DOCK1: variants seen among roughly 807,000 people sequenced by gnomAD.
DOCK1 encodes the protein dedicator of cytokinesis protein 1.
A neutral mutation model predicts 262.7 loss-of-function variants in DOCK1; 138 were observed. That is an observed-to-expected ratio of 0.53 (90% CI 0.46 to 0.61). The LOEUF (loss-of-function observed/expected upper bound fraction) is 0.61, where lower values mean the gene tolerates loss of function less well. DOCK1 is among the 20% of genes least tolerant of loss of function. DOCK1 has a pLI of 0.00. For missense variants in DOCK1, 1,908 were observed against 2,370.7 expected (o/e 0.80, Z 4.05); for synonymous variants, 866 against 867.4 (o/e 1.00, Z 0.03).
intron 51 of DOCK1, among the ~76,000 whole-genome samples, chr10:127,450,944 G>T (rs1591115639): frequency 6.6e-6 from 1 of 152,266 alleles, no homozygotes; most frequent in Non-Finnish European, 1.5e-5. Context: ...GCTAACCTTT[G>T]CCCGAAGCTC....
chr10:127,286,015 C>T (rs2061139913), intron 29 of DOCK1, among the ~76,000 whole-genome samples: 1 of 152,080 alleles, frequency 6.6e-6, no homozygotes, highest in Admixed American at 6.5e-5. Flanking sequence ...TGATGGTGTC[C>T]TAGCATGCCC....
chr10:127,242,946 A>G (rs1207315827), intron 27 of DOCK1, among the ~76,000 whole-genome samples: 5 of 152,242 alleles, frequency 3.3e-5, no homozygotes, highest in South Asian at 4.2e-4. Flanking sequence ...TACAGCTCCA[A>G]CAGCTTCTGA....
chr10:127,438,836 G>T (rs982862380), intron 48 of DOCK1, among the ~76,000 whole-genome samples, 191 bp from the exon 49 acceptor site: 4 of 152,132 alleles, frequency 2.6e-5, no homozygotes, highest in African/African-American at 9.7e-5. Flanking sequence ...TCTTTTTCCA[G>T]TTTATCTGTG....
chr10:126,970,317 G>T (rs1298005476), intron 1 of DOCK1, among the ~76,000 whole-genome samples: 1 of 152,072 alleles, frequency 6.6e-6, no homozygotes, highest in Non-Finnish European at 1.5e-5. Flanking sequence ...TATCAACATT[G>T]CTATATGATA....
intron 1 of DOCK1, among the ~76,000 whole-genome samples, chr10:126,926,561 T>C (rs959616743): frequency 1.3e-5 from 2 of 152,196 alleles, no homozygotes; most frequent in Non-Finnish European, 2.9e-5. Flanking sequence ...CAGGTTGAAG[T>C]CCTAACCCTT....
chr10:127,296,398 G>A (rs2061506283), intron 29 of DOCK1, among the ~76,000 whole-genome samples: 2 of 152,114 alleles, frequency 1.3e-5, no homozygotes, highest in South Asian at 4.1e-4. Flanking sequence ...CCACCTGCAG[G>A]CCTGTTCTTT....
At chr10:126,993,923 A>G (rs1277792190) in intron 6 of DOCK1, among the ~76,000 whole-genome samples, 1 of 152,258 alleles carries the variant, frequency 6.6e-6, no homozygotes, top group Non-Finnish European at 1.5e-5. Flanking sequence ...GTCTCAGGGT[A>G]GTTTTTTAGA....
chr10:127,217,923 C>T (rs2058282346), intron 27 of DOCK1, among the ~76,000 whole-genome samples: 1 of 152,058 alleles, frequency 6.6e-6, no homozygotes, highest in South Asian at 2.1e-4. Context: ...CCAGTTATCC[C>T]AGAACCATTT....
chr10:127,338,885 G>A (rs1590554376), intron 29 of DOCK1, 121 bp from the exon 30 acceptor site: 1 of 795,768 alleles, frequency 1.3e-6, no homozygotes, highest in Non-Finnish European at 2.0e-6. Context: ...TCACAGCTTT[G>A]CGCAAGACTT....
Position 127,121,455 on chromosome 10 carries a change from A to ATGTGTGTGTGTGTGTGTGTG in DOCK1, c.2624-4017_2624-3998dup, listed in dbSNP as rs59477974. Among the ~76,000 whole-genome samples, 1,250 of 148,348 alleles carry ATGTGTGTGTGTGTGTGTGTG rather than the reference A, an allele frequency of 8.4e-3. 14 individuals carry two copies. The highest frequency in any genetic ancestry group is 0.024 in the African/African-American group (966 of 40,552). On this transcript the variant is annotated intron_variant, in intron 25 of 51. Transcript: ENST00000623213. ...ATAGGTCATTGTAGGGTATATGTAT[A>ATGTGTGTGTGTGTGTGTGTG]TGTGTGTGTGTGTGTGTGTGTCTAT... is the stretch of plus-strand genomic sequence containing the variant.
intron 1 of DOCK1, among the ~76,000 whole-genome samples, chr10:126,939,668 C>A (rs1223896651): frequency 6.6e-6 from 1 of 152,130 alleles, no homozygotes; most frequent in African/African-American, 2.4e-5. Context: ...ACCCAAAATA[C>A]CTATTTTAGA....
intron 30 of DOCK1, among the ~76,000 whole-genome samples, chr10:127,339,869 A>G (rs1323169942): frequency 1.3e-5 from 2 of 152,152 alleles, no homozygotes; most frequent in Admixed American, 1.3e-4. Flanking sequence ...TACTTAGTTT[A>G]TTTTAGTAAA....
At chr10:127,029,269 T>C (rs566578212) in intron 16 of DOCK1, among the ~76,000 whole-genome samples, 3 of 152,124 alleles carry the variant, frequency 2.0e-5, no homozygotes, top group African/African-American at 7.2e-5. Flanking sequence ...CTTCGGGGCC[T>C]CCCCAGCCAG....
rs527307668 is a variant in DOCK1, at chr10:127,256,791, T to C, written c.2950-544T>C. Among the ~76,000 whole-genome samples the C allele has an allele frequency of 2.6e-5, 4 of 152,292 alleles. No individual in the cohort carries two copies. In the South Asian group the frequency reaches 8.3e-4, roughly 32 times the overall value. Reference sequence around the variant, plus strand: ...GTAGCTTTTGGGGATGTAGCTGCCATCTAGGAGAGTTTGGCAACACGGCTG... The same window carrying C: ...GTAGCTTTTGGGGATGTAGCTGCCACCTAGGAGAGTTTGGCAACACGGCTG... On this transcript the variant is annotated intron_variant, in intron 28 of 51. Transcript: ENST00000623213.
Position 127,023,303 on chromosome 10 carries a change from T to C in DOCK1, c.1431T>C (p.Asp477=), listed in dbSNP as rs750371763. 6.8e-6 allele frequency: 11 copies of C among 1,612,462 alleles called. No individual in the cohort carries two copies. In the South Asian group the frequency reaches 1.1e-4, roughly 16 times the overall value. ...TGGAGGTCACGGTGTCTGTGTACGA[T>C]GAGGATGGGAAACGATTAGAGGTAT... ...KNVEVTVSVY[D]EDGKRLEHVI... Residue 477 remains aspartate, a synonymous_variant, in exon 14 of 52, where the codon GAT becomes GAC. Transcript: ENST00000623213.
At chr10:127,064,365 C>G (rs911530087) in intron 23 of DOCK1, among the ~76,000 whole-genome samples, 2 of 152,142 alleles carry the variant, frequency 1.3e-5, no homozygotes, top group Non-Finnish European at 2.9e-5. Context: ...GAGTCAGCCA[C>G]GGGGTTTTAC....
chr10:126,916,997 C>T (rs2032576489), intron 1 of DOCK1, among the ~76,000 whole-genome samples: 1 of 143,430 alleles, frequency 7.0e-6, no homozygotes. Context: ...AGCGGTGTTT[C>T]AGAATTCCAG....
At chr10:127,331,930 T>C (rs1283722464) in intron 29 of DOCK1, among the ~76,000 whole-genome samples, 2 of 152,174 alleles carry the variant, frequency 1.3e-5, no homozygotes, top group Non-Finnish European at 2.9e-5. Flanking sequence ...AATGACAGTG[T>C]CTGGAACTTA....
chr10:127,064,617 C>A (rs1306378748), intron 23 of DOCK1, among the ~76,000 whole-genome samples: 2 of 152,206 alleles, frequency 1.3e-5, no homozygotes, highest in Non-Finnish European at 2.9e-5. Context: ...CCCTTCCCAG[C>A]GGCCGTCTCC....
Sources: allele counts gnomAD v4.1 joint callset (sites outside exome capture counted in the v4.1 genomes callset), GRCh38; gene constraint gnomAD v4.1.1; transcripts MANE v1.5; gene names NCBI Gene and HGNC (gene_info 2026-07-23, HGNC 2026-07-21).